CHCHD3: variants seen among roughly 807,000 people sequenced by gnomAD.
The protein encoded by CHCHD3 is MICOS complex subunit MIC19.
Under a neutral mutation model 38.2 loss-of-function variants are expected in CHCHD3, and 20 were observed. The observed-to-expected ratio is 0.52, with a 90% CI of 0.37 to 0.76. The LOEUF is 0.76. CHCHD3 is among the 30% of genes least tolerant of loss of function. CHCHD3 has a pLI of 0.00. For synonymous variants in CHCHD3, 82 were observed against 100.0 expected, an observed-to-expected ratio of 0.82 and a Z score of 1.07; for missense variants, 245 against 279.2, an observed-to-expected ratio of 0.88 and a Z score of 0.87.
At chr7:133,061,568 T>C (rs1410664334) in intron 2 of CHCHD3, among the ~76,000 whole-genome samples, 3 of 151,984 alleles carry the variant, frequency 2.0e-5, no homozygotes, top group Non-Finnish European at 4.4e-5. Flanking sequence ...AAAGAAGTCC[T>C]GCCAACACAG....
intron 5 of CHCHD3, chr7:132,847,500 T>G (rs1313790424): frequency 6.6e-6 from 1 of 152,206 alleles, no homozygotes; most frequent in East Asian, 1.9e-4. Flanking sequence ...GAACAAAGTT[T>G]CTAGACCGTA....
intron 4 of CHCHD3, among the ~76,000 whole-genome samples, chr7:132,898,600 C>A (rs1027090985): frequency 6.6e-6 from 1 of 152,276 alleles, no homozygotes; most frequent in Non-Finnish European, 1.5e-5. Flanking sequence ...CCGCGCCGTG[C>A]GCCCGCACTC....
chr7:132,825,656 C>T (rs922685547), intron 6 of CHCHD3, among the ~76,000 whole-genome samples: 2 of 152,202 alleles, frequency 1.3e-5, no homozygotes, highest in Non-Finnish European at 2.9e-5. Context: ...TGTAAATCAG[C>T]GAAGCCTGAT....
intron 2 of CHCHD3, among the ~76,000 whole-genome samples, chr7:133,057,224 G>A (rs1309399516): frequency 6.6e-6 from 1 of 152,138 alleles, no homozygotes; most frequent in Admixed American, 6.5e-5. Flanking sequence ...CTTGGATGGA[G>A]AGAAAAAGGT....
At chr7:133,037,844 T>C (rs1229784423) in intron 2 of CHCHD3, among the ~76,000 whole-genome samples, 1 of 152,088 alleles carries the variant, frequency 6.6e-6, no homozygotes, top group Non-Finnish European at 1.5e-5. Flanking sequence ...CATAAATACA[T>C]ATGCCAAAAT....
chr7:132,928,997 T>A (rs6966015), intron 4 of CHCHD3, among the ~76,000 whole-genome samples: 6,309 of 152,230 alleles, frequency 0.041, 273 homozygotes, highest in East Asian at 0.11. Flanking sequence ...TTGGCTTCTT[T>A]CCCTCGACTC....
chr7:132,933,325 G>T (rs535107712), intron 4 of CHCHD3, among the ~76,000 whole-genome samples: 1 of 152,156 alleles, frequency 6.6e-6, no homozygotes, highest in Non-Finnish European at 1.5e-5. Context: ...ATAAGAAGGG[G>T]CCACGTGATT....
chr7:132,808,943 CT>C (rs1414325958), intron 6 of CHCHD3, among the ~76,000 whole-genome samples: 1 of 145,672 alleles, frequency 6.9e-6, no homozygotes, highest in African/African-American at 2.5e-5. Flanking sequence ...AACAAAAAAC[CT>C]TTTTTTAAAT....
At chr7:132,909,389 G>C (rs1244462463) in intron 4 of CHCHD3, among the ~76,000 whole-genome samples, 1 of 152,130 alleles carries the variant, frequency 6.6e-6, no homozygotes, top group Non-Finnish European at 1.5e-5. Flanking sequence ...TACTTGGGAG[G>C]CTGAGGCAGG....
At chr7:133,014,906 T>C (rs961314447) in intron 3 of CHCHD3, among the ~76,000 whole-genome samples, 2 of 152,150 alleles carry the variant, frequency 1.3e-5, no homozygotes, top group African/African-American at 4.8e-5. Context: ...CTAAAGTTCA[T>C]GAGGCAGGGC....
intron 3 of CHCHD3, 97 bp from the exon 4 acceptor site, chr7:132,975,383 CA>C: frequency 4.0e-6 from 4 of 1,004,330 alleles, no homozygotes; most frequent in Non-Finnish European, 3.0e-6. Flanking sequence ...AACACATAGC[CA>C]AAAAGGTCAA....
intron 6 of CHCHD3, among the ~76,000 whole-genome samples, chr7:132,804,894 G>A (rs1329720702): frequency 3.9e-5 from 6 of 152,174 alleles, no homozygotes; most frequent in African/African-American, 9.6e-5. Context: ...GAAGAGTGGC[G>A]GGAGCAGCAG....
At chr7:132,845,555 T>C (rs943035478) in intron 5 of CHCHD3, among the ~76,000 whole-genome samples, 6 of 152,110 alleles carry the variant, frequency 3.9e-5, no homozygotes, top group Admixed American at 3.9e-4. Context: ...TATAAAAAAA[T>C]CAAACCAATA....
intron 4 of CHCHD3, among the ~76,000 whole-genome samples, chr7:132,923,971 T>A (rs1179520744): frequency 6.6e-6 from 1 of 152,212 alleles, no homozygotes; most frequent in African/African-American, 2.4e-5. Context: ...TAGAGAATAT[T>A]ACATTCCTTT....
chr7:132,860,966 T>C (rs552345916), intron 5 of CHCHD3, among the ~76,000 whole-genome samples: 7 of 151,992 alleles, frequency 4.6e-5, no homozygotes, highest in South Asian at 2.1e-4. Flanking sequence ...GGCTGGAAAA[T>C]AGACAGTGGT....
chr7:132,901,942 C>A (rs1287265918), intron 4 of CHCHD3, among the ~76,000 whole-genome samples: 1 of 152,068 alleles, frequency 6.6e-6, no homozygotes, highest in African/African-American at 2.4e-5. Context: ...GTTTTTTCTT[C>A]TAGGGTTTTT....
intron 6 of CHCHD3, among the ~76,000 whole-genome samples, chr7:132,822,539 T>A (rs945646271): frequency 6.6e-6 from 1 of 151,962 alleles, no homozygotes; most frequent in African/African-American, 2.4e-5. Flanking sequence ...TAAAAGAAAC[T>A]GACCTGTATA....
At chr7:133,008,708 T>C (rs1812773686) in intron 3 of CHCHD3, among the ~76,000 whole-genome samples, 1 of 152,128 alleles carries the variant, frequency 6.6e-6, no homozygotes, top group Non-Finnish European at 1.5e-5. Context: ...AGAATAAACA[T>C]GTTATTAAAA....
At position 132,952,495 on chromosome 7, in the gene CHCHD3, A is replaced by G. The variant is rs189590344; in HGVS notation, c.369+22674T>C. ...TCATAAGAGCCAGTGAAGGACAAGA[A>G]GTGTATGAAAGAATCAAATAGTAAA... On this transcript the variant is annotated intron_variant, in intron 4 of 7. Coordinates refer to ENST00000262570, the MANE Select transcript of CHCHD3 (RefSeq NM_017812.4). 5.9e-5 allele frequency among the ~76,000 whole-genome samples: 9 copies of G among 152,368 alleles called. No homozygotes were observed. In the East Asian group the frequency reaches 1.7e-3, roughly 29 times the overall value.
Sources: allele counts gnomAD v4.1 joint callset (sites outside exome capture counted in the v4.1 genomes callset), GRCh38; gene constraint gnomAD v4.1.1; transcripts MANE v1.5; gene names NCBI Gene and HGNC (gene_info 2026-07-23, HGNC 2026-07-21).